FRMD5: variants seen among roughly 807,000 people sequenced by gnomAD.
FRMD5 encodes the protein FERM domain containing 5, also known as FERM domain-containing protein 5.
Under a neutral mutation model 69.0 loss-of-function variants are expected in FRMD5, and 20 were observed. That is an observed-to-expected ratio of 0.29 (90% CI 0.20 to 0.42). The LOEUF is 0.42. FRMD5 is among the 10% of genes least tolerant of loss of function. The pLI is 1.00. For synonymous variants in FRMD5, 271 were observed against 260.1 expected (o/e 1.04, Z -0.40); for missense variants, 595 against 708.6 (o/e 0.84, Z 1.82).
At chr15:44,038,801 G>C (rs146001114) in intron 1 of FRMD5, among the ~76,000 whole-genome samples, 2 of 151,982 alleles carry the variant, frequency 1.3e-5, no homozygotes, top group African/African-American at 4.8e-5. Flanking sequence ...AGACTGTACC[G>C]GGAGGAACAG....
At chr15:43,891,840 G>A (rs2088799560) in intron 8 of FRMD5, 141 bp downstream of exon 8, 6 of 670,412 alleles carry the variant, frequency 8.9e-6, no homozygotes, top group South Asian at 5.3e-5. Flanking sequence ...CACTCCCTTC[G>A]TCAGTTACCA....
At chr15:43,988,357 C>CTTT (rs35486163) in intron 1 of FRMD5, among the ~76,000 whole-genome samples, 5 of 145,862 alleles carry the variant, frequency 3.4e-5, no homozygotes, top group East Asian at 2.0e-4. Flanking sequence ...GTCATTAGCA[C>CTTT]TTTTTTTTTT....
intron 1 of FRMD5, among the ~76,000 whole-genome samples, chr15:44,132,610 G>A (rs935765205): frequency 1.3e-5 from 2 of 151,830 alleles, no homozygotes; most frequent in African/African-American, 2.4e-5. Context: ...TCTATTTTTC[G>A]TAGAGACAGG....
chr15:43,885,828 G>C (rs2088649977), intron 10 of FRMD5, 73 bp from the exon 11 acceptor site: 2 of 1,156,696 alleles, frequency 1.7e-6, no homozygotes, highest in Non-Finnish European at 2.6e-6. Flanking sequence ...CACATCCCCA[G>C]CTTCTTCCAA....
chr15:44,081,305 T>G (rs1391882711), intron 1 of FRMD5, among the ~76,000 whole-genome samples: 1 of 152,158 alleles, frequency 6.6e-6, no homozygotes, highest in Admixed American at 6.6e-5. Context: ...TCTCCTTTAA[T>G]TTTCTGTCTT....
At chr15:43,978,952 G>A (rs540356196) in intron 1 of FRMD5, among the ~76,000 whole-genome samples, 1 of 152,264 alleles carries the variant, frequency 6.6e-6, no homozygotes, top group African/African-American at 2.4e-5. Flanking sequence ...GAATTCTACT[G>A]GCAAAATACT....
chr15:43,875,390 A>ATATATATATGTATG (rs1385798025), intron 13 of FRMD5, among the ~76,000 whole-genome samples: 2 of 124,836 alleles, frequency 1.6e-5, no homozygotes, highest in African/African-American at 6.7e-5. Flanking sequence ...ATATATATAT[A>ATATATATATGTATG]TATGTATGTA....
At chr15:43,874,489 G>A in intron 13 of FRMD5, 27 bp from the exon 14 acceptor site, 1 of 1,577,488 alleles carries the variant, frequency 6.3e-7, no homozygotes. Flanking sequence ...AACATGAGTA[G>A]GCTGTGTCCC....
chr15:43,900,101 G>A (rs148396548), intron 7 of FRMD5, among the ~76,000 whole-genome samples: 389 of 152,236 alleles, frequency 2.6e-3, no homozygotes, highest in African/African-American at 5.8e-3. Flanking sequence ...TCAGGCAGCC[G>A]TCTTTAAGGT....
intron 1 of FRMD5, among the ~76,000 whole-genome samples, chr15:44,008,211 G>C (rs561920648): frequency 4.6e-5 from 7 of 150,986 alleles, no homozygotes; most frequent in Non-Finnish European, 8.8e-5. Flanking sequence ...GGGATTACAG[G>C]CATGAGCCTG....
At chr15:44,132,122 T>C (rs2140421949) in intron 1 of FRMD5, among the ~76,000 whole-genome samples, 1 of 152,300 alleles carries the variant, frequency 6.6e-6, no homozygotes, top group Middle Eastern at 3.4e-3. Context: ...ATCCCTTGCA[T>C]GGGCAGTTCA....
chr15:43,891,586 G>A (rs974900622), intron 8 of FRMD5, among the ~76,000 whole-genome samples: 2 of 152,098 alleles, frequency 1.3e-5, no homozygotes, highest in African/African-American at 4.8e-5. Context: ...GAGCAGGTAA[G>A]GGCACTAAGC....
intron 1 of FRMD5, among the ~76,000 whole-genome samples, chr15:44,122,516 T>A (rs1254868124): frequency 6.6e-6 from 1 of 150,882 alleles, no homozygotes; most frequent in Non-Finnish European, 1.5e-5. Context: ...GAGGCAGAGG[T>A]TGCAGTAAGC....
intron 1 of FRMD5, among the ~76,000 whole-genome samples, chr15:44,107,391 C>A (rs561395437): frequency 6.6e-6 from 1 of 152,164 alleles, no homozygotes; most frequent in Non-Finnish European, 1.5e-5. Context: ...AAAGTCTGAA[C>A]GAAACCTTAA....
chr15:43,901,389 G>T (rs2089042275), intron 7 of FRMD5, among the ~76,000 whole-genome samples: 1 of 152,142 alleles, frequency 6.6e-6, no homozygotes, highest in Admixed American at 6.5e-5. Context: ...GGAAGAAAAG[G>T]TTGATGTCTT....
intron 1 of FRMD5, among the ~76,000 whole-genome samples, chr15:44,007,024 T>G (rs1890481535): frequency 6.6e-6 from 1 of 152,194 alleles, no homozygotes; most frequent in Non-Finnish European, 1.5e-5. Flanking sequence ...GTGCCAAACT[T>G]CATGGTTATC....
chr15:43,906,808 A>T lies in FRMD5; in HGVS notation c.428-857T>A, dbSNP rs548313144. On this transcript the variant is annotated intron_variant, in intron 5 of 13. Coordinates refer to ENST00000417257, the MANE Select transcript of FRMD5 (RefSeq NM_032892.5). ...AGTAGAGACGGGGTTTCACCGTGTT[A>T]GCCAGGATGGTCTCGATCTCCTGAC... 3.4e-5 allele frequency among the ~76,000 whole-genome samples: 5 copies of T among 146,958 alleles called. 1 individual carries two copies. The East Asian group carries it at 5.9e-4, about 17-fold the overall frequency.
At chr15:43,937,644 CAAA>C (rs58803908) in intron 1 of FRMD5, among the ~76,000 whole-genome samples, 3 of 60,486 alleles carry the variant, frequency 5.0e-5, no homozygotes, top group Non-Finnish European at 7.2e-5. Context: ...GACACTGTCT[CAAA>C]AAAAAAAAAA....
intron 1 of FRMD5, among the ~76,000 whole-genome samples, chr15:43,974,175 G>T (rs1365316438): frequency 6.6e-6 from 1 of 152,086 alleles, no homozygotes; most frequent in Admixed American, 6.6e-5. Flanking sequence ...GTCCTCTAGT[G>T]AAAGTGAGAG....
Sources: gnomAD v4.1 joint callset for allele counts (sites outside exome capture counted in the v4.1 genomes callset) on GRCh38, gnomAD v4.1.1 for gene constraint, MANE v1.5 for transcripts, NCBI Gene and HGNC (gene_info 2026-07-23, HGNC 2026-07-21) for gene names.